The following FSCN2 variants were observed in gnomAD, a reference collection of about 807,000 sequenced individuals.
FSCN2 encodes fascin-2.
Under a neutral mutation model 37.8 loss-of-function variants are expected in FSCN2, and 46 were observed. The ratio of observed to expected loss-of-function variants is 1.22; its 90% CI spans 0.96 to 1.56. The LOEUF is 1.56. FSCN2 is among the 40% of genes most tolerant of loss of function. The pLI is 0.00. For missense variants in FSCN2, 844 were observed against 730.4 expected (o/e 1.16, Z -1.79); for synonymous variants, 351 against 309.4 (o/e 1.13, Z -1.41).
At chr17:81,530,089 C>G (rs782440036) in intron 1 of FSCN2, 1 of 252,364 alleles carries the variant, frequency 4.0e-6, no homozygotes, top group Non-Finnish European at 8.0e-6. Flanking sequence ...GGATTACAGG[C>G]GTGAGCCACC....
At chr17:81,521,449 G>A in the FSCN2 span, among the ~76,000 whole-genome samples, 3 of 148,234 alleles carry the variant, frequency 2.0e-5, no homozygotes, top group African/African-American at 7.6e-5. Context: ...CTGTAACCTC[G>A]ACCTCCCAGG....
the FSCN2 span, among the ~76,000 whole-genome samples, chr17:81,518,248 C>T: frequency 6.6e-6 from 1 of 152,156 alleles, no homozygotes; most frequent in Non-Finnish European, 1.5e-5. Context: ...CACGACCTCC[C>T]ATCAACTCCT....
At chr17:81,532,659 A>ATGG (rs1330102729) in intron 1 of FSCN2, among the ~76,000 whole-genome samples, 1 of 145,822 alleles carries the variant, frequency 6.9e-6, no homozygotes, top group African/African-American at 2.6e-5. Context: ...GGTGATGGTG[A>ATGG]TGATGGAGGC....
At chr17:81,532,137 GTGATGATGGTGATGGTGA>G (rs1204043328) in intron 1 of FSCN2, among the ~76,000 whole-genome samples, 6 of 137,678 alleles carry the variant, frequency 4.4e-5, no homozygotes, top group East Asian at 4.7e-4. Flanking sequence ...GATAGTGATG[GTGATGATGGTGATGGTGA>G]TGATGATGGT....
chr17:81,530,018 G>A, intron 1 of FSCN2: 1 of 288,380 alleles, frequency 3.5e-6, no homozygotes, highest in Non-Finnish European at 6.8e-6. Flanking sequence ...CACTGTGTTA[G>A]CCAGGATGGT....
At chr17:81,520,983 C>A in the FSCN2 span, among the ~76,000 whole-genome samples, 98 of 152,182 alleles carry the variant, frequency 6.4e-4, no homozygotes, top group African/African-American at 2.3e-3. Flanking sequence ...TTTTTTAAAC[C>A]TTCTGGGATA....
At chr17:81,532,158 ATGATGG>A (rs1485311885) in intron 1 of FSCN2, among the ~76,000 whole-genome samples, 1 of 114,314 alleles carries the variant, frequency 8.7e-6, no homozygotes, top group South Asian at 3.1e-4. Flanking sequence ...GATGGTGATG[ATGATGG>A]TGATGGTGGT....
intron 1 of FSCN2, among the ~76,000 whole-genome samples, chr17:81,533,427 C>T (rs1278471434): frequency 2.0e-5 from 3 of 152,178 alleles, no homozygotes; most frequent in East Asian, 1.9e-4. Context: ...TCAGCAGCTT[C>T]CCCGGAGTCC....
At chr17:81,524,421 T>C (rs1190087511), upstream of FSCN2, among the ~76,000 whole-genome samples, 1 of 152,010 alleles carries the variant, frequency 6.6e-6, no homozygotes, top group African/African-American at 2.4e-5. Flanking sequence ...GACCTCAGCT[T>C]GGGCCTCAGG....
At position 81,528,640 on chromosome 17, in the gene FSCN2, G is replaced by A; in HGVS notation, c.109G>A (p.Ala37Thr). 6.2e-7 allele frequency: 1 copy of A among 1,604,018 alleles called. No homozygotes were observed. The highest frequency in any genetic ancestry group is 8.5e-7 in the Non-Finnish European group (1 of 1,176,032). ...CTTCGGCTTCAAGGTCAATGCCTCG[G>A]CACCCAGCCTCAAGAGGAAGCAGAC... ...ESFGFKVNAS[A>T]PSLKRKQTWV... is the part of the protein sequence containing the mutation. Residue 37 changes from alanine to threonine, a missense_variant, in exon 1 of 5, where the codon GCA becomes ACA. Coordinates refer to ENST00000417245, the MANE Select transcript of FSCN2 (RefSeq NM_012418.4).
intron 1 of FSCN2, among the ~76,000 whole-genome samples, chr17:81,531,466 TGGTGGTGGTGGTG>T: frequency 4.4e-5 from 6 of 137,414 alleles, no homozygotes; most frequent in African/African-American, 1.8e-4. Context: ...ATGGTGATGA[TGGTGGTGGTGGTG>T]ATGGTGATGA....
At chr17:81,529,593 T>G in intron 1 of FSCN2, 1 of 737,434 alleles carries the variant, frequency 1.4e-6, no homozygotes, top group East Asian at 2.6e-5. Flanking sequence ...GAGGCAAGGG[T>G]TCCTGGCCTT....
At position 81,529,062 on chromosome 17, in the gene FSCN2, C is replaced by T. The variant is rs782418159; in HGVS notation, c.531C>T (p.Leu177=). The T allele has an allele frequency of 8.8e-5, 140 of 1,592,400 alleles. No individual in the cohort carries two copies. In the Admixed American group the frequency reaches 2.4e-3, roughly 27 times the overall value. Residue 177 remains leucine, a synonymous_variant, in exon 1 of 5, where the codon CTC becomes CTT. Transcript: ENST00000417245. ...KPWGVDALLT[L]IFRSRRYCLK... is the part of the protein sequence containing the mutation. ...GGGGCGTGGACGCCCTCCTCACCCT[C>T]ATCTTCCGGAGCCGACGGTACTGCC...
In FSCN2 at chr17:81,528,579, C is replaced by T. The variant is rs199668780; in HGVS notation, c.48C>T (p.Leu16=). 1.7e-3 allele frequency: 2,723 copies of T among 1,608,430 alleles called. 3 individuals are homozygous for T. The highest frequency in any genetic ancestry group is 2.4e-3 in the South Asian group (218 of 90,246). Reference sequence around the variant, plus strand: ...AGGTGCTGAAGATCCAGTTTGGCCTCGTCAACGACACTGACCGCTACCTGA... The same window carrying T: ...AGGTGCTGAAGATCCAGTTTGGCCTTGTCAACGACACTGACCGCTACCTGA... ...LHQVLKIQFG[L]VNDTDRYLTA... is the part of the protein sequence containing the mutation. The change falls in exon 1 of 5, where the codon CTC becomes CTT. Residue 16 remains leucine, a synonymous_variant. Transcript: ENST00000417245.
Position 81,528,643 on chromosome 17 carries a change from C to G in FSCN2, c.112C>G (p.Pro38Ala). ...SFGFKVNASA[P>A]SLKRKQTWVL... is the part of the protein sequence containing the mutation. ...CGGCTTCAAGGTCAATGCCTCGGCA[C>G]CCAGCCTCAAGAGGAAGCAGACCTG... The change falls in exon 1 of 5, where the codon CCC becomes GCC. Residue 38 changes from proline (P) to alanine (A), a missense_variant. By Grantham distance (27) the Pro-to-Ala change is conservative. Coordinates refer to ENST00000417245, the MANE Select transcript of FSCN2 (RefSeq NM_012418.4). 1 of 1,604,258 alleles carries G rather than the reference C, an allele frequency of 6.2e-7. No homozygotes were observed. The highest frequency in any genetic ancestry group is 1.1e-5 in the South Asian group (1 of 89,488).
intron 1 of FSCN2, among the ~76,000 whole-genome samples, chr17:81,532,410 G>GTGATGATGGTGATGGTGA (rs2032709545): frequency 2.9e-5 from 4 of 138,174 alleles, no homozygotes; most frequent in Admixed American, 2.8e-4. Context: ...GATAGTGATG[G>GTGATGATGGTGATGGTGA]TGATGATGGT....
At position 81,536,745 on chromosome 17, in the gene FSCN2, A is replaced by T. The variant is rs1392008452; in HGVS notation, c.1229A>T (p.Asp410Val). 7 of 1,610,282 alleles carry T rather than the reference A, an allele frequency of 4.3e-6. No individual in the cohort carries two copies. The highest frequency in any genetic ancestry group is 1.7e-5 in the Admixed American group (1 of 59,798). ...CTGGACACCAACCGCTCCGTCTACG[A>T]CGTCTTCCACCTGAGCTTCAGCGAC... ...NQLDTNRSVY[D>V]VFHLSFSDGA... Residue 410 changes from aspartate (D) to valine (V), a missense_variant, in exon 4 of 5, where the codon GAC becomes GTC. Asp to Val is a radical substitution (Grantham distance 152). Coordinates refer to ENST00000417245, the MANE Select transcript of FSCN2 (RefSeq NM_012418.4).
chr17:81,530,592 C>T (rs1555671109), intron 1 of FSCN2: 2 of 515,204 alleles, frequency 3.9e-6, no homozygotes, highest in South Asian at 2.8e-5. Context: ...CCTTCCAGAC[C>T]AGCATCAGCT....
chr17:81,536,071 G>GA, intron 2 of FSCN2, 75 bp from the exon 3 acceptor site: 2 of 1,538,640 alleles, frequency 1.3e-6, no homozygotes, highest in Non-Finnish European at 1.8e-6. Flanking sequence ...CTTGGAACCT[G>GA]AGGAGGATGG....
Sources: allele counts gnomAD v4.1 joint callset (sites outside exome capture counted in the v4.1 genomes callset), GRCh38; gene constraint gnomAD v4.1.1; transcripts MANE v1.5; gene names NCBI Gene and HGNC (gene_info 2026-07-23, HGNC 2026-07-21).